CCDC30: variants seen among roughly 807,000 people sequenced by gnomAD.
The protein encoded by CCDC30 is coiled-coil domain containing 30, also known as coiled-coil domain-containing protein 30.
In CCDC30, 70 loss-of-function variants were observed where a neutral mutation model predicts 100.2. That is an observed-to-expected ratio of 0.70 (90% CI 0.58 to 0.85). CCDC30 has a LOEUF of 0.85. Among genes scored for constraint, CCDC30 ranks in the 40% least tolerant of loss-of-function variants. The pLI, the probability that CCDC30 is intolerant of heterozygous loss-of-function variation, is 0.00. For synonymous variants in CCDC30, 233 were observed against 269.5 expected, an observed-to-expected ratio of 0.86 and a Z score of 1.33; for missense variants, 652 against 771.2, an observed-to-expected ratio of 0.85 and a Z score of 1.83.
At chr1:42,612,758 GTA>G (rs1272294535) in intron 11 of CCDC30, among the ~76,000 whole-genome samples, 1 of 152,010 alleles carries the variant, frequency 6.6e-6, no homozygotes, top group Non-Finnish European at 1.5e-5. Flanking sequence ...TCCCTCTGTC[GTA>G]TGCTTGACCA....
intron 6 of CCDC30, among the ~76,000 whole-genome samples, chr1:42,549,821 G>C (rs1393700775): frequency 6.6e-6 from 1 of 152,166 alleles, no homozygotes; most frequent in Non-Finnish European, 1.5e-5. Context: ...GCTGATCTCA[G>C]CCTGTCCTTG....
chr1:42,571,456 G>A (rs143759340), intron 7 of CCDC30: 5 of 150,496 alleles, frequency 3.3e-5, no homozygotes, highest in Admixed American at 2.0e-4. Context: ...AATTTCAAAA[G>A]TTATACCAAC....
At chr1:42,581,123 G>A (rs1050000781) in intron 8 of CCDC30, 2 of 407,076 alleles carry the variant, frequency 4.9e-6, no homozygotes, top group African/African-American at 4.1e-5. Flanking sequence ...TTACAGGCGT[G>A]AGCCAGCATG....
rs116234307 is a variant in CCDC30 at position 42,564,055 on chromosome 1, C to T, written c.457-2241C>T. Among the ~76,000 whole-genome samples, 581 of 152,152 alleles carry T rather than the reference C, an allele frequency of 3.8e-3. 9 individuals are homozygous for T. The highest frequency in any genetic ancestry group is 0.013 in the African/African-American group (539 of 41,512). On this transcript the variant is annotated intron_variant, in intron 6 of 16. Coordinates refer to ENST00000668663, the Ensembl canonical transcript of CCDC30. ...GAGGGCTTCTGTGTTACTTTAGGGA[C>T]ATAAGCAAGATAAAACTAAAATAAT...
intron 6 of CCDC30, among the ~76,000 whole-genome samples, chr1:42,503,063 T>C (rs1644345237): frequency 6.6e-6 from 1 of 152,092 alleles, no homozygotes; most frequent in Non-Finnish European, 1.5e-5. Context: ...TTGTGATTTT[T>C]TAGTAAAGAC....
At chr1:42,633,439 T>C (rs924596407) in intron 11 of CCDC30, among the ~76,000 whole-genome samples, 1 of 152,212 alleles carries the variant, frequency 6.6e-6, no homozygotes, top group Non-Finnish European at 1.5e-5. Flanking sequence ...CCCAACTCTC[T>C]AATCATACCT....
the CCDC30 span, chr1:42,456,815 T>C: frequency 6.2e-7 from 1 of 1,613,440 alleles, no homozygotes; most frequent in South Asian, 1.1e-5. Flanking sequence ...CCTGTTCTTG[T>C]ATCGCGCTCG....
chr1:42,567,192 C>A (rs1465832839), intron 7 of CCDC30, among the ~76,000 whole-genome samples: 1 of 152,072 alleles, frequency 6.6e-6, no homozygotes, highest in African/African-American at 2.4e-5. Context: ...CAGGGGTCAG[C>A]AAACTTTGGC....
chr1:42,647,245 A>C (rs1004665463), intron 15 of CCDC30, among the ~76,000 whole-genome samples: 4 of 152,218 alleles, frequency 2.6e-5, no homozygotes, highest in African/African-American at 4.8e-5. Flanking sequence ...GGAGTGGGAA[A>C]AGATATTCCA....
the CCDC30 span, chr1:42,456,674 GTGGTGTT>G: frequency 6.2e-7 from 1 of 1,604,566 alleles, no homozygotes; most frequent in Non-Finnish European, 8.5e-7. Flanking sequence ...GGGCCGGCGG[GTGGTGTT>G]GGTTACGTCA....
intron 6 of CCDC30, chr1:42,500,251 G>A (rs534714840): frequency 2.1e-5 from 34 of 1,608,862 alleles, no homozygotes; most frequent in Non-Finnish European, 2.8e-5. Context: ...TTCTTTGGAA[G>A]GCAGTGGATT....
the CCDC30 span, chr1:42,456,436 G>A: frequency 2.0e-6 from 2 of 986,674 alleles, no homozygotes; most frequent in Non-Finnish European, 2.9e-6. Context: ...TGGCGAGATC[G>A]GGACCTAGTG....
Position 42,581,355 on chromosome 1 carries a change from TCAAGA to T in CCDC30, c.847-4_847del, listed in dbSNP as rs1254997366. ...GCTTTACTTGTAAATGTTTTTTCAT[TCAAGA>T]TTTTGGACCTGCAGCGGAAATTAGA... On this transcript the variant is annotated splice_acceptor_variant and splice_polypyrimidine_tract_variant and coding_sequence_variant and intron_variant, in exon 9 of 17. Transcript: ENST00000668663. LOFTEE classifies it high-confidence loss of function. The T allele has an allele frequency of 1.3e-6, 2 of 1,591,068 alleles. No homozygotes were observed. The highest frequency in any genetic ancestry group is 1.9e-5 in the Admixed American group (1 of 53,150).
chr1:42,460,625 G>T (rs1173618963), upstream of CCDC30, among the ~76,000 whole-genome samples: 1 of 152,164 alleles, frequency 6.6e-6, no homozygotes, highest in Non-Finnish European at 1.5e-5. Flanking sequence ...CTGGGACCAG[G>T]CAGGGGCCAC....
intron 12 of CCDC30, among the ~76,000 whole-genome samples, chr1:42,642,072 A>T (rs1429025837): frequency 6.6e-6 from 1 of 151,730 alleles, no homozygotes; most frequent in African/African-American, 2.4e-5. Flanking sequence ...AAAAATACAA[A>T]AAACTTAGCC....
upstream of CCDC30, among the ~76,000 whole-genome samples, chr1:42,458,653 T>C (rs1643310840): frequency 6.6e-6 from 1 of 152,252 alleles, no homozygotes; most frequent in African/African-American, 2.4e-5. Context: ...CTAACAGCTT[T>C]TTTTTAGGGC....
At chr1:42,477,096 C>T (rs1017474589) in intron 1 of CCDC30, among the ~76,000 whole-genome samples, 3 of 151,050 alleles carry the variant, frequency 2.0e-5, no homozygotes, top group Non-Finnish European at 4.4e-5. Flanking sequence ...TTTTTTTCCC[C>T]CCTCTACAAA....
intron 11 of CCDC30, among the ~76,000 whole-genome samples, chr1:42,632,760 C>CAAA (rs58023514): frequency 7.0e-6 from 1 of 142,690 alleles, no homozygotes; most frequent in Non-Finnish European, 1.5e-5. Context: ...AACTCCATCT[C>CAAA]AAAAAAAAAA....
At chr1:42,550,417 G>A (rs1200708417) in intron 6 of CCDC30, among the ~76,000 whole-genome samples, 2 of 152,040 alleles carry the variant, frequency 1.3e-5, no homozygotes, top group African/African-American at 4.8e-5. Flanking sequence ...GCTTCCTATT[G>A]CACTTAAAAT....
Sources: allele counts gnomAD v4.1 joint callset (sites outside exome capture counted in the v4.1 genomes callset), GRCh38; gene constraint gnomAD v4.1.1; transcripts MANE v1.5; gene names NCBI Gene and HGNC (gene_info 2026-07-23, HGNC 2026-07-21).